CELF4: variants seen among roughly 807,000 people sequenced by gnomAD.
The protein encoded by CELF4 is CUG-BP- and ETR-3-like factor 4.
Under a neutral mutation model 59.9 loss-of-function variants are expected in CELF4, and 18 were observed. That is an observed-to-expected ratio of 0.30 (90% CI 0.21 to 0.45). CELF4 has a LOEUF of 0.45. CELF4 is among the 20% of genes least tolerant of loss of function. The pLI is 1.00. For synonymous variants in CELF4, 261 were observed against 267.1 expected, an observed-to-expected ratio of 0.98 and a Z score of 0.22; for missense variants, 456 against 689.0, an observed-to-expected ratio of 0.66 and a Z score of 3.79.
intron 3 of CELF4, among the ~76,000 whole-genome samples, chr18:37,303,167 G>T (rs769767264): frequency 5.3e-5 from 8 of 152,146 alleles, no homozygotes; most frequent in Non-Finnish European, 1.2e-4. Flanking sequence ...TCTGGCTAGA[G>T]GCATGACAGA....
At chr18:37,459,128 C>T (rs528591627) in intron 2 of CELF4, among the ~76,000 whole-genome samples, 65 of 152,340 alleles carry the variant, frequency 4.3e-4, no homozygotes, top group African/African-American at 1.4e-3. Flanking sequence ...ACCTCCTATG[C>T]CTGGACTACC....
intron 1 of CELF4, among the ~76,000 whole-genome samples, chr18:37,539,065 G>C (rs2099975774): frequency 6.6e-6 from 1 of 151,944 alleles, no homozygotes; most frequent in Non-Finnish European, 1.5e-5. Flanking sequence ...GGTCTCATCA[G>C]GGTTCTCAAC....
chr18:37,531,522 G>C (rs1220099320), intron 1 of CELF4, among the ~76,000 whole-genome samples: 1 of 152,220 alleles, frequency 6.6e-6, no homozygotes, highest in Admixed American at 6.5e-5. Flanking sequence ...ATGCCGATCT[G>C]CAGCTCTGAT....
At chr18:37,430,383 T>G (rs931654892) in intron 2 of CELF4, among the ~76,000 whole-genome samples, 1 of 152,200 alleles carries the variant, frequency 6.6e-6, no homozygotes, top group Non-Finnish European at 1.5e-5. Context: ...ACCCAGAGAC[T>G]GGAGACTTGG....
intron 2 of CELF4, among the ~76,000 whole-genome samples, chr18:37,371,806 G>T (rs1400748042): frequency 2.0e-5 from 3 of 152,218 alleles, no homozygotes; most frequent in Non-Finnish European, 1.5e-5. Context: ...TGGTATCAAG[G>T]GTGACTGAGG....
At chr18:37,530,912 A>AG (rs1397413942) in intron 1 of CELF4, among the ~76,000 whole-genome samples, 1 of 152,110 alleles carries the variant, frequency 6.6e-6, no homozygotes, top group Admixed American at 6.5e-5. Flanking sequence ...AAAAAAAAAA[A>AG]AAGGACTGAT....
At chr18:37,346,528 C>T (rs2098266036) in intron 2 of CELF4, among the ~76,000 whole-genome samples, 1 of 152,142 alleles carries the variant, frequency 6.6e-6, no homozygotes, top group African/African-American at 2.4e-5. Flanking sequence ...TAGTCGGGTT[C>T]TTTGTGTGGA....
chr18:37,325,348 A>G (rs1224772939), intron 2 of CELF4, among the ~76,000 whole-genome samples: 1 of 152,212 alleles, frequency 6.6e-6, no homozygotes, highest in African/African-American at 2.4e-5. Flanking sequence ...GCCTGAGAGC[A>G]GCTGGGGTGA....
intron 1 of CELF4, among the ~76,000 whole-genome samples, chr18:37,512,517 C>T (rs79040133): frequency 0.072 from 10,819 of 150,484 alleles, 533 homozygotes; most frequent in Non-Finnish European, 0.11. Context: ...TCTCTTTCTT[C>T]TCTTCCTTTT....
intron 1 of CELF4, among the ~76,000 whole-genome samples, chr18:37,538,146 C>G (rs913080510): frequency 1.3e-5 from 2 of 152,216 alleles, no homozygotes; most frequent in Non-Finnish European, 2.9e-5. Flanking sequence ...GGTGGGAGGG[C>G]GGCCTCCTCA....
chr18:37,370,247 G>T (rs1192703654), intron 2 of CELF4, among the ~76,000 whole-genome samples: 1 of 152,168 alleles, frequency 6.6e-6, no homozygotes, highest in Non-Finnish European at 1.5e-5. Flanking sequence ...GAGCCCGAGG[G>T]GAAGGAGGAG....
At chr18:37,413,876 T>C (rs17569373) in intron 2 of CELF4, among the ~76,000 whole-genome samples, 40,519 of 152,086 alleles carry the variant, frequency 0.27, 5,765 homozygotes, top group Non-Finnish European at 0.31. Flanking sequence ...ACCTGCTGTA[T>C]AGTTGAGCAA....
intron 2 of CELF4, among the ~76,000 whole-genome samples, chr18:37,442,861 C>T (rs547082709): frequency 2.6e-5 from 4 of 152,208 alleles, no homozygotes; most frequent in South Asian, 2.1e-4. Context: ...TCCCCCTCTC[C>T]GTCCTGTTAA....
At chr18:37,278,558 G>GATC (rs2093703319) in intron 3 of CELF4, among the ~76,000 whole-genome samples, 2 of 152,340 alleles carry the variant, frequency 1.3e-5, no homozygotes, top group Non-Finnish European at 2.9e-5. Context: ...TATGAAATGG[G>GATC]TATGATTAGA....
At chr18:37,321,585 C>G (rs547816332) in intron 3 of CELF4, among the ~76,000 whole-genome samples, 11 of 152,294 alleles carry the variant, frequency 7.2e-5, no homozygotes, top group African/African-American at 2.6e-4. Context: ...GACGCATAAA[C>G]CGCACCGTCT....
intron 2 of CELF4, among the ~76,000 whole-genome samples, chr18:37,360,137 G>A (rs1320900769): frequency 6.6e-6 from 1 of 152,208 alleles, no homozygotes; most frequent in Non-Finnish European, 1.5e-5. Flanking sequence ...GCAGGCATGA[G>A]CCACCATGCC....
At chr18:37,408,646 C>G (rs996336675) in intron 2 of CELF4, among the ~76,000 whole-genome samples, 1 of 152,130 alleles carries the variant, frequency 6.6e-6, no homozygotes, top group Admixed American at 6.5e-5. Context: ...TTCTCGGCTC[C>G]TTTCCCCTTG....
At chr18:37,327,780 C>G (rs1050219767) in intron 2 of CELF4, among the ~76,000 whole-genome samples, 3 of 152,210 alleles carry the variant, frequency 2.0e-5, no homozygotes, top group African/African-American at 7.2e-5. Flanking sequence ...TTGTCCACCT[C>G]TGTGCCCTCT....
intron 1 of CELF4, among the ~76,000 whole-genome samples, chr18:37,494,518 C>T (rs1422067136): frequency 6.6e-6 from 1 of 152,240 alleles, no homozygotes; most frequent in Non-Finnish European, 1.5e-5. Context: ...CCCAGGAGAG[C>T]ATGAGGGTGC....
Sources: gnomAD v4.1 joint callset for allele counts (sites outside exome capture counted in the v4.1 genomes callset) on GRCh38, gnomAD v4.1.1 for gene constraint, MANE v1.5 for transcripts, NCBI Gene and HGNC (gene_info 2026-07-23, HGNC 2026-07-21) for gene names.